The following MMP25 variants were observed in gnomAD, a reference collection of about 807,000 sequenced individuals.
MMP25 encodes the protein matrix metalloproteinase-25.
Under a neutral mutation model 62.1 loss-of-function variants are expected in MMP25, and 68 were observed. The ratio of observed to expected loss-of-function variants is 1.10; its 90% CI spans 0.90 to 1.34. MMP25 has a LOEUF of 1.34. MMP25 is among the 40% of genes most tolerant of loss of function. The probability of loss-of-function intolerance (pLI) is 0.00; values close to 1 mark genes in which losing one functional copy is unlikely to be tolerated. For missense variants in MMP25, 942 were observed against 792.5 expected (o/e 1.19, Z -2.26); for synonymous variants, 407 against 345.6 (o/e 1.18, Z -1.97).
chr16:3,056,727 A>G (rs1956015456), intron 4 of MMP25: 1 of 305,748 alleles, frequency 3.3e-6, no homozygotes, highest in Non-Finnish European at 6.1e-6. Context: ...TCCCCCTCAA[A>G]CTTCTGTGCA....
chr16:3,058,122 T>A, intron 7 of MMP25, 59 bp from the exon 8 acceptor site: 3 of 1,591,104 alleles, frequency 1.9e-6, no homozygotes, highest in Non-Finnish European at 8.6e-7. Context: ...CCACACACCC[T>A]GGGGGAGGAG....
Position 3,057,102 on chromosome 16 carries a change from C to T in MMP25, c.731C>T (p.Ser244Phe), listed in dbSNP as rs868820868. The T allele has an allele frequency of 6.2e-7, 1 of 1,613,134 alleles. No homozygotes were observed. The highest frequency in any genetic ancestry group is 1.7e-4 in the Middle Eastern group (1 of 6,058). The change falls in exon 5 of 10, where the codon TCC (serine) becomes TTC (phenylalanine). Residue 244 changes from serine (S) to phenylalanine (F), a missense_variant. Coordinates refer to ENST00000336577, the MANE Select transcript of MMP25 (RefSeq NM_022468.5). Reference sequence around the variant, plus strand: ...GGCCACGCCCTGGGCCTGGGCCACTCCTCAGCCCCCAACTCCATTATGAGG... The same window carrying T: ...GGCCACGCCCTGGGCCTGGGCCACTTCTCAGCCCCCAACTCCATTATGAGG... ...EFGHALGLGH[S>F]SAPNSIMRPF...
chr16:3,058,140 G>A (rs764619338), intron 7 of MMP25, 41 bp from the exon 8 acceptor site: 2 of 1,599,688 alleles, frequency 1.3e-6, no homozygotes, highest in South Asian at 1.1e-5. Context: ...GAGACCTCCT[G>A]CTGTCTCATG....
In MMP25 at chr16:3,056,838, A is replaced by T. The variant is rs1010564767; in HGVS notation, c.662-195A>T. The T allele has an allele frequency of 5.3e-6, 3 of 565,312 alleles. No homozygotes were observed. The African/African-American group carries it at 5.8e-5, about 11-fold the overall frequency. The allele number at this position is 565,312 out of a possible 1,614,324, so 35.0% of individuals were successfully genotyped here. A position where few individuals can be genotyped will look rare whatever the true frequency, so the allele number is the denominator to read the frequency against. On this transcript the variant is annotated intron_variant, in intron 4 of 9. Transcript: ENST00000336577. ...TTTTCAGCCCTGTGGTCCAGTGTCC[A>T]TCACAGCCATGCTGACTGAGTGACT... is the stretch of plus-strand genomic sequence containing the variant.
At chr16:3,055,871 G>A (rs765091954) in intron 4 of MMP25, 55 of 455,428 alleles carry the variant, frequency 1.2e-4, no homozygotes, top group African/African-American at 2.8e-4. Flanking sequence ...GCGGCTCACC[G>A]GTTGATGAGG....
rs1596224619 is a variant in MMP25 at position 3,059,390 on chromosome 16, T to C, written c.*292T>C. On this transcript the variant is annotated 3_prime_UTR_variant, in exon 10 of 10. Coordinates refer to ENST00000336577, the MANE Select transcript of MMP25 (RefSeq NM_022468.5). ...ATGCGTCGGTCGTCGCCCCCGTCGTTCCCTCCCGGCTGCCGCCAGGGGGCG... is the reference window on the plus strand; with the variant it reads ...ATGCGTCGGTCGTCGCCCCCGTCGTCCCCTCCCGGCTGCCGCCAGGGGGCG... 2 of 297,496 alleles carry C rather than the reference T, an allele frequency of 6.7e-6. No individual in the cohort carries two copies. The highest frequency in any genetic ancestry group is 1.1e-4 in the East Asian group (2 of 18,586). The allele number at this position is 297,496 out of a possible 1,614,324, so 18.4% of individuals were successfully genotyped here. A position where few individuals can be genotyped will look rare whatever the true frequency, so the allele number is the denominator to read the frequency against.
Position 3,059,210 on chromosome 16 carries a change from G to C in MMP25, c.*112G>C. ...AGGCCCCTTGTCTGTTCCCACGGAC[G>C]GGGGCTCGGGCGCGGACTAAGCAGG... On this transcript the variant is annotated 3_prime_UTR_variant, in exon 10 of 10. Coordinates refer to ENST00000336577, the MANE Select transcript of MMP25 (RefSeq NM_022468.5). 7.8e-7 allele frequency: 1 copy of C among 1,285,748 alleles called. No homozygotes were observed. The highest frequency in any genetic ancestry group is 1.7e-5 in the South Asian group (1 of 60,314). The allele number at this position is 1,285,748 out of a possible 1,614,324, so 79.6% of individuals were successfully genotyped here. A position where few individuals can be genotyped will look rare whatever the true frequency, so the allele number is the denominator to read the frequency against.
At chr16:3,049,411 TATGTC>T (rs2151153136) in intron 2 of MMP25, among the ~76,000 whole-genome samples, 1 of 152,266 alleles carries the variant, frequency 6.6e-6, no homozygotes, top group South Asian at 2.1e-4. Flanking sequence ...CTGGCATCTA[TATGTC>T]CTTCATCACT....
In MMP25 at chr16:3,058,254, G is replaced by C. The variant is rs1956048106; in HGVS notation, c.1080G>C (p.Trp360Cys). Reference sequence around the variant, plus strand: ...GACCCGCACGGCTGCACCGCTTCTGGGAGGGGCTGCCCGCCCAGGTGAGGG... The same window carrying C: ...GACCCGCACGGCTGCACCGCTTCTGCGAGGGGCTGCCCGCCCAGGTGAGGG... ...SPRPARLHRF[W>C]EGLPAQVRVV... is the part of the protein sequence containing the mutation. The change falls in exon 8 of 10, where the codon TGG (tryptophan) becomes TGC (cysteine). Residue 360 changes from tryptophan (W) to cysteine (C), a missense_variant. Trp to Cys is a radical substitution (Grantham distance 215). Coordinates refer to ENST00000336577, the MANE Select transcript of MMP25 (RefSeq NM_022468.5). The C allele has an allele frequency of 5.0e-6, 8 of 1,611,676 alleles. No homozygotes were observed. Among genetic ancestry groups the C allele is most frequent in the Non-Finnish European group, 6.8e-6 (8 of 1,179,266 alleles).
intron 2 of MMP25, 25 bp downstream of exon 2, chr16:3,047,572 GC>G: frequency 6.2e-7 from 1 of 1,602,072 alleles, no homozygotes; most frequent in South Asian, 1.1e-5. Context: ...CCCCTCCCCA[GC>G]CCTGCCTCTG....
In MMP25 at chr16:3,050,459, C is replaced by G. The variant is rs1291915981; in HGVS notation, c.574C>G (p.Leu192Val). ...CCCCTTCGACGGGTTGGGGGGCACC[C>G]TAGCCCATGCCTTCTTCCCTGGGGA... ...SYPFDGLGGT[L>V]AHAFFPGEHP... Residue 192 changes from leucine (L) to valine (V), a missense_variant, in exon 4 of 10, where the codon CTA becomes GTA. Physicochemically the swap from Leu to Val is conservative, Grantham distance 32. Coordinates refer to ENST00000336577, the MANE Select transcript of MMP25 (RefSeq NM_022468.5). 6.2e-7 allele frequency: 1 copy of G among 1,612,954 alleles called. No homozygotes were observed. The highest frequency in any genetic ancestry group is 1.3e-5 in the African/African-American group (1 of 74,928).
In MMP25 at chr16:3,046,872, C is replaced by A. The variant is rs767199823; in HGVS notation, c.-46C>A. On this transcript the variant is annotated 5_prime_UTR_variant, in exon 1 of 10. Coordinates refer to ENST00000336577, the MANE Select transcript of MMP25 (RefSeq NM_022468.5). ...CCCCAGGTCCCCGGGGCGGCCCCAGCCAGGCCCCCTTCGAACCCCGCCGGC... is the reference window on the plus strand; with the variant it reads ...CCCCAGGTCCCCGGGGCGGCCCCAGACAGGCCCCCTTCGAACCCCGCCGGC... The A allele has an allele frequency of 1.7e-6, 2 of 1,202,034 alleles. No homozygotes were observed. The highest frequency in any genetic ancestry group is 1.8e-5 in the South Asian group (1 of 54,782). 74.5% of individuals were successfully genotyped at this position (1,202,034 alleles called of 1,614,324 possible). A position where few individuals can be genotyped will look rare whatever the true frequency, so the allele number is the denominator to read the frequency against.
rs541094689 is a variant in MMP25 at position 3,050,116 on chromosome 16, G to A, written c.340G>A (p.Val114Met). ...TCGCCGGTACGCTCTGAGCGGCAGC[G>A]TGTGGAAGAAGCGAACCCTGACATG... ...RRRRYALSGS[V>M]WKKRTLTWRV... is the part of the protein sequence containing the mutation. Residue 114 changes from valine to methionine, a missense_variant, in exon 3 of 10, where the codon GTG (valine) becomes ATG (methionine). Physicochemically the swap from Val to Met is conservative, Grantham distance 21 (BLOSUM62 1). Transcript: ENST00000336577. The A allele has an allele frequency of 8.1e-6, 13 of 1,608,120 alleles. No homozygotes were observed. The African/African-American group carries it at 9.3e-5, about 12-fold the overall frequency.
rs1956043286 is a variant in MMP25 at position 3,058,062 on chromosome 16, C to T, written c.1007-119C>T. ...AGGCGGGCCAGGATGGGCTGGTCAC[C>T]CTAGATCCATTGCGCCCTTGATTTC... On this transcript the variant is annotated intron_variant, in intron 7 of 9. Coordinates refer to ENST00000336577, the MANE Select transcript of MMP25 (RefSeq NM_022468.5). The T allele has an allele frequency of 6.4e-6, 8 of 1,256,466 alleles. No homozygotes were observed. In the South Asian group the frequency reaches 1.1e-4, roughly 17 times the overall value. The allele number at this position is 1,256,466 out of a possible 1,614,324, so 77.8% of individuals were successfully genotyped here. A position where few individuals can be genotyped will look rare whatever the true frequency, so the allele number is the denominator to read the frequency against.
chr16:3,047,129 G>T, intron 1 of MMP25, 113 bp downstream of exon 1: 2 of 1,214,806 alleles, frequency 1.6e-6, no homozygotes, highest in Non-Finnish European at 2.2e-6. Context: ...TATCCAAAGA[G>T]TGACTGAGGA....
chr16:3,057,793 G>C, intron 7 of MMP25, 180 bp downstream of exon 7: 1 of 638,406 alleles, frequency 1.6e-6, no homozygotes, highest in Non-Finnish European at 2.8e-6. Context: ...CAAAATACTG[G>C]GCTCAAGCGA....
At position 3,050,454 on chromosome 16, in the gene MMP25, G is replaced by A; in HGVS notation, c.569G>A (p.Gly190Asp). 2.5e-6 allele frequency: 4 copies of A among 1,613,460 alleles called. No individual in the cohort carries two copies. The highest frequency in any genetic ancestry group is 1.7e-4 in the Middle Eastern group (1 of 6,060). The change falls in exon 4 of 10, where the codon GGC (glycine) becomes GAC (aspartate). Residue 190 changes from glycine to aspartate, a missense_variant. Transcript: ENST00000336577. ...QDSYPFDGLG[G>D]TLAHAFFPGE... ...AGCTACCCCTTCGACGGGTTGGGGG[G>A]CACCCTAGCCCATGCCTTCTTCCCT...
At chr16:3,049,184 G>A (rs1955863029) in intron 2 of MMP25, among the ~76,000 whole-genome samples, 1 of 151,704 alleles carries the variant, frequency 6.6e-6, no homozygotes, top group African/African-American at 2.4e-5. Context: ...GGCAGAAGAC[G>A]GCTGCGGAGT....
intron 4 of MMP25, chr16:3,054,825 G>C (rs930496325): frequency 1.3e-5 from 2 of 154,774 alleles, no homozygotes; most frequent in African/African-American, 4.8e-5. Context: ...GGCGGGGATG[G>C]ATGGACGGAC....
Sources: gnomAD v4.1 joint callset for allele counts (sites outside exome capture counted in the v4.1 genomes callset) on GRCh38, gnomAD v4.1.1 for gene constraint, MANE v1.5 for transcripts, NCBI Gene and HGNC (gene_info 2026-07-23, HGNC 2026-07-21) for gene names.